VPS13B: variants seen among roughly 807,000 people sequenced by gnomAD.
The protein encoded by VPS13B is vacuolar protein sorting 13 homolog B, also known as intermembrane lipid transfer protein VPS13B.
VPS13B carries 285 observed loss-of-function variants against 426.4 expected under a neutral mutation model. That is an observed-to-expected ratio of 0.67 (90% CI 0.61 to 0.74). The LOEUF (loss-of-function observed/expected upper bound fraction) is 0.74. Among genes scored for constraint, VPS13B ranks in the 30% least tolerant of loss-of-function variants. The pLI is 0.00. For missense variants in VPS13B, 4,537 were observed against 4,782.6 expected, an observed-to-expected ratio of 0.95 and a Z score of 1.51; for synonymous variants, 1,676 against 1,676.4, an observed-to-expected ratio of 1.00 and a Z score of 0.01.
intron 40 of VPS13B, 144 bp from the exon 41 acceptor site, chr8:99,776,631 A>G (rs1563912200): frequency 3.7e-6 from 3 of 817,236 alleles, no homozygotes; most frequent in Admixed American, 2.5e-5. Flanking sequence ...GCTAATTTAC[A>G]TAGGAAAATA....
intron 19 of VPS13B, among the ~76,000 whole-genome samples, chr8:99,306,347 A>G (rs1820636931): frequency 6.6e-6 from 1 of 152,034 alleles, no homozygotes; most frequent in South Asian, 2.1e-4. Flanking sequence ...GGTAGAGGTT[A>G]TATGTTTTCA....
At chr8:99,135,200 G>A in intron 10 of VPS13B, 63 bp downstream of exon 10, 1 of 1,599,042 alleles carries the variant, frequency 6.3e-7, no homozygotes, top group Non-Finnish European at 8.6e-7. Context: ...GCTTACTGAA[G>A]TGTTTAACCA....
At chr8:99,734,171 T>G (rs116085959) in intron 39 of VPS13B, among the ~76,000 whole-genome samples, 101 of 152,350 alleles carry the variant, frequency 6.6e-4, no homozygotes, top group African/African-American at 2.4e-3. Flanking sequence ...ATTTTCACAG[T>G]TCATCCATGT....
chr8:99,360,509 C>G (rs1411152090), intron 19 of VPS13B, among the ~76,000 whole-genome samples: 1 of 151,818 alleles, frequency 6.6e-6, no homozygotes, highest in Non-Finnish European at 1.5e-5. Context: ...GATCTCCTGA[C>G]CTCGTGACCC....
At chr8:99,857,936 A>C (rs1816636011) in intron 56 of VPS13B, among the ~76,000 whole-genome samples, 1 of 152,140 alleles carries the variant, frequency 6.6e-6, no homozygotes, top group South Asian at 2.1e-4. Context: ...CGTTCCAGAG[A>C]AGGGAGGAGG....
At chr8:99,502,759 A>G in intron 26 of VPS13B, 77 bp from the exon 27 acceptor site, 1 of 1,110,824 alleles carries the variant, frequency 9.0e-7, no homozygotes, top group Non-Finnish European at 1.4e-6. Context: ...GCATTTGTCA[A>G]TGTGAAATGT....
chr8:99,094,036 A>G (rs1014597616), intron 3 of VPS13B: 1 of 152,302 alleles, frequency 6.6e-6, no homozygotes, highest in African/African-American at 2.4e-5. Context: ...CTTTTGCTTT[A>G]AAATGTTTGT....
chr8:99,177,799 T>C (rs935438833), intron 16 of VPS13B, among the ~76,000 whole-genome samples: 1 of 152,222 alleles, frequency 6.6e-6, no homozygotes, highest in Non-Finnish European at 1.5e-5. Context: ...GATTTTTGGT[T>C]ATTGGAGAAT....
At chr8:99,495,255 T>C (rs1019562726) in intron 25 of VPS13B, among the ~76,000 whole-genome samples, 5 of 152,238 alleles carry the variant, frequency 3.3e-5, no homozygotes, top group African/African-American at 1.2e-4. Flanking sequence ...TTGTGGTACA[T>C]GGCATAGACA....
chr8:99,306,549 C>T (rs1000215280), intron 19 of VPS13B, among the ~76,000 whole-genome samples: 9 of 151,976 alleles, frequency 5.9e-5, no homozygotes, highest in African/African-American at 2.2e-4. Flanking sequence ...TTTTTGCCTA[C>T]AAATAACTTA....
At chr8:99,563,903 C>T (rs1025909430) in intron 31 of VPS13B, among the ~76,000 whole-genome samples, 4 of 152,030 alleles carry the variant, frequency 2.6e-5, no homozygotes, top group South Asian at 2.1e-4. Flanking sequence ...TCTTGACAGA[C>T]GTATAAATAG....
At chr8:99,403,376 C>T (rs1419010829) in intron 21 of VPS13B, among the ~76,000 whole-genome samples, 1 of 151,974 alleles carries the variant, frequency 6.6e-6, no homozygotes, top group Non-Finnish European at 1.5e-5. Flanking sequence ...TGGTGAAACC[C>T]CGTCTCTACT....
chr8:99,344,096 G>A (rs1159054173), intron 19 of VPS13B, among the ~76,000 whole-genome samples: 1 of 152,082 alleles, frequency 6.6e-6, no homozygotes, highest in Non-Finnish European at 1.5e-5. Context: ...GGATGATACT[G>A]GTATAAAAAC....
rs184249171 is a variant in VPS13B at position 99,638,863 on chromosome 8, A to G, written c.5221-2948A>G. Reference sequence around the variant, plus strand: ...AGTCTGCTGGGCAATTTTTTCATTTAATGTTGTATCAAAGATAAACATATC... The same window carrying G: ...AGTCTGCTGGGCAATTTTTTCATTTGATGTTGTATCAAAGATAAACATATC... On this transcript the variant is annotated intron_variant, in intron 33 of 61. Transcript: ENST00000357162. 4.9e-3 allele frequency among the ~76,000 whole-genome samples: 740 copies of G among 152,290 alleles called. 5 individuals carry two copies. Among genetic ancestry groups the G allele is most frequent in the Non-Finnish European group, 7.6e-3 (517 of 68,028 alleles).
intron 17 of VPS13B, among the ~76,000 whole-genome samples, chr8:99,252,896 A>C (rs1182636352): frequency 6.6e-6 from 1 of 152,148 alleles, no homozygotes; most frequent in Non-Finnish European, 1.5e-5. Context: ...AGTTTTTAGC[A>C]AATTCATATA....
At chr8:99,284,614 G>A (rs142506304) in intron 19 of VPS13B, among the ~76,000 whole-genome samples, 1 of 151,838 alleles carries the variant, frequency 6.6e-6, no homozygotes, top group Non-Finnish European at 1.5e-5. Flanking sequence ...CCAGGAAGGA[G>A]TGCAGTGGTG....
chr8:99,568,434 G>A (rs1052313009), intron 31 of VPS13B, among the ~76,000 whole-genome samples: 2 of 151,954 alleles, frequency 1.3e-5, no homozygotes, highest in East Asian at 1.9e-4. Context: ...GGGACTACAG[G>A]CCCACGCCAC....
chr8:99,083,775 G>A (rs1386404359), intron 3 of VPS13B, among the ~76,000 whole-genome samples: 1 of 132,128 alleles, frequency 7.6e-6, no homozygotes, highest in African/African-American at 2.9e-5. Context: ...ATTTGCGTAT[G>A]TTGAACCAGC....
intron 17 of VPS13B, among the ~76,000 whole-genome samples, chr8:99,231,778 C>G (rs569430915): frequency 6.6e-6 from 1 of 152,154 alleles, no homozygotes; most frequent in African/African-American, 2.4e-5. Flanking sequence ...TTTATAAAAT[C>G]GGTAAATTTA....
Sources: allele counts gnomAD v4.1 joint callset (sites outside exome capture counted in the v4.1 genomes callset), GRCh38; gene constraint gnomAD v4.1.1; transcripts MANE v1.5; gene names NCBI Gene and HGNC (gene_info 2026-07-23, HGNC 2026-07-21).